Variants in CHLSN observed in about 807,000 individuals in gnomAD.
CHLSN encodes the protein protein cholesin.
the CHLSN span, chr7:987,396 C>A: frequency 1.9e-6 from 3 of 1,595,206 alleles, 1 homozygote; most frequent in South Asian, 3.3e-5. Flanking sequence ...GGCGGACTCC[C>A]CGGCTGGAGG....
chr7:1,104,033 C>T, the CHLSN span, among the ~76,000 whole-genome samples: 29 of 152,226 alleles, frequency 1.9e-4, no homozygotes, highest in Non-Finnish European at 2.1e-4. Flanking sequence ...GCACCAGCCC[C>T]GTGCTAGCAC....
chr7:1,022,744 T>C, the CHLSN span, among the ~76,000 whole-genome samples: 1 of 151,870 alleles, frequency 6.6e-6, no homozygotes. Flanking sequence ...TAAAGGTGAA[T>C]CCCCCCCAAC....
the CHLSN span, among the ~76,000 whole-genome samples, chr7:984,184 C>G: frequency 6.6e-6 from 1 of 152,228 alleles, no homozygotes; most frequent in Admixed American, 6.5e-5. Context: ...GAAAATCCCA[C>G]AACAGCCATG....
the CHLSN span, chr7:1,088,351 A>G: frequency 3.9e-5 from 6 of 152,332 alleles, no homozygotes; most frequent in Non-Finnish European, 7.3e-5. The surrounding 1 kb of genome is among the most constrained non-coding windows in gnomAD (Gnocchi z 4.5). Flanking sequence ...TGGCGGTGCC[A>G]TACCACTGAC....
chr7:1,103,456 G>C, the CHLSN span, among the ~76,000 whole-genome samples: 1 of 152,188 alleles, frequency 6.6e-6, no homozygotes, highest in Non-Finnish European at 1.5e-5. Context: ...AGTCCTCTTG[G>C]AGGTGTATCT....
chr7:1,069,439 C>G, the CHLSN span, among the ~76,000 whole-genome samples: 1 of 144,886 alleles, frequency 6.9e-6, no homozygotes, highest in East Asian at 2.3e-4. Flanking sequence ...GCTGCCATCT[C>G]GGCTCACTGC....
At chr7:1,105,279 A>C in the CHLSN span, among the ~76,000 whole-genome samples, 1 of 152,222 alleles carries the variant, frequency 6.6e-6, no homozygotes, top group African/African-American at 2.4e-5. Context: ...GAACGCCAAG[A>C]AGACAACAGC....
the CHLSN span, among the ~76,000 whole-genome samples, chr7:1,110,265 A>G: frequency 5.9e-5 from 9 of 152,208 alleles, no homozygotes; most frequent in Non-Finnish European, 1.0e-4. Context: ...ACACACCACC[A>G]CAAAAGCTAA....
At chr7:1,095,118 A>G in the CHLSN span, among the ~76,000 whole-genome samples, 1 of 152,054 alleles carries the variant, frequency 6.6e-6, no homozygotes, top group Non-Finnish European at 1.5e-5. Flanking sequence ...CTGCCCTTCC[A>G]GAGCCTGCCC....
the CHLSN span, among the ~76,000 whole-genome samples, chr7:1,104,323 C>T: frequency 2.6e-5 from 4 of 152,204 alleles, no homozygotes; most frequent in African/African-American, 7.2e-5. Context: ...TTGCTGGGCC[C>T]AGGACTTCGA....
At chr7:1,132,782 G>A in the CHLSN span, among the ~76,000 whole-genome samples, 2 of 148,836 alleles carry the variant, frequency 1.3e-5, no homozygotes, top group Admixed American at 1.3e-4. Context: ...CTAGTAACTA[G>A]AATATATAAA....
chr7:986,578 C>T, the CHLSN span: 1 of 1,603,340 alleles, frequency 6.2e-7, no homozygotes, highest in South Asian at 1.1e-5. Context: ...CAGCGTGCAG[C>T]CCTGGGGCTG....
chr7:1,009,023 GCA>G, the CHLSN span, among the ~76,000 whole-genome samples: 3 of 110,898 alleles, frequency 2.7e-5, no homozygotes, highest in South Asian at 5.1e-4. Context: ...ACATACACAT[GCA>G]CACACGTACA....
At chr7:1,135,699 A>G in the CHLSN span, among the ~76,000 whole-genome samples, 2 of 150,368 alleles carry the variant, frequency 1.3e-5, 1 homozygote, top group Non-Finnish European at 2.9e-5. Context: ...TACGAGGTGG[A>G]GGTTGCAGTG....
chr7:1,024,023 T>C, the CHLSN span, among the ~76,000 whole-genome samples: 14 of 152,188 alleles, frequency 9.2e-5, no homozygotes, highest in Non-Finnish European at 1.9e-4. Flanking sequence ...AAATTTTTTA[T>C]AGAGATAGGA....
the CHLSN span, among the ~76,000 whole-genome samples, chr7:1,083,672 G>A: frequency 4.6e-5 from 7 of 152,102 alleles, no homozygotes; most frequent in African/African-American, 9.7e-5. Context: ...GAGTGTGGAG[G>A]CGCAGACGAC....
At chr7:1,018,348 T>C in the CHLSN span, among the ~76,000 whole-genome samples, 2 of 152,346 alleles carry the variant, frequency 1.3e-5, no homozygotes, top group Non-Finnish European at 2.9e-5. Flanking sequence ...CCAGTGTGCA[T>C]TGTACACGTG....
chr7:1,042,108 T>C, the CHLSN span, among the ~76,000 whole-genome samples: 43 of 146,542 alleles, frequency 2.9e-4, no homozygotes, highest in African/African-American at 9.5e-4. Context: ...CTCGGCAGTG[T>C]GCGGGGCTGC....
the CHLSN span, among the ~76,000 whole-genome samples, chr7:1,013,611 T>C: frequency 3.3e-5 from 5 of 152,226 alleles, no homozygotes; most frequent in African/African-American, 1.2e-4. Context: ...TGGGCGGCTT[T>C]GAGCCGACGC....
Sources: allele counts gnomAD v4.1 joint callset (sites outside exome capture counted in the v4.1 genomes callset), GRCh38; gene constraint gnomAD v4.1.1; non-coding constraint Gnocchi (gnomAD v3.1); transcripts MANE v1.5; gene names NCBI Gene and HGNC (gene_info 2026-07-23, HGNC 2026-07-21).